The following SERINC5 variants were observed in gnomAD, a reference collection of about 807,000 sequenced individuals.
SERINC5 encodes the protein chromosome 5 open reading frame 12.
A neutral mutation model predicts 63.1 loss-of-function variants in SERINC5; 41 were observed. That is an observed-to-expected ratio of 0.65 (90% CI 0.51 to 0.84). SERINC5 has a LOEUF of 0.84. Ranked by LOEUF, SERINC5 falls within the 40% of genes least tolerant of loss-of-function variation. SERINC5 has a pLI of 0.00. For synonymous variants in SERINC5, 222 were observed against 215.2 expected, an observed-to-expected ratio of 1.03 and a Z score of -0.28; for missense variants, 523 against 573.0, an observed-to-expected ratio of 0.91 and a Z score of 0.89.
chr5:80,122,228 A>C (rs1744577295), intron 11 of SERINC5, among the ~76,000 whole-genome samples: 2 of 114,006 alleles, frequency 1.8e-5, no homozygotes, highest in African/African-American at 3.7e-5. Context: ...GAGTTTATTA[A>C]ATATTAGCTC....
chr5:80,194,491 T>C (rs553017958), intron 2 of SERINC5, among the ~76,000 whole-genome samples: 114 of 152,348 alleles, frequency 7.5e-4, no homozygotes, highest in African/African-American at 2.6e-3. Flanking sequence ...AAAAGATGGT[T>C]ATACCAAACA....
In SERINC5 at chr5:80,147,246, C is replaced by G; in HGVS notation, c.1092G>C (p.Glu364Asp). ...AAAGAATAAAAGCGCTCTGCTTACC[C>G]TCTCCACCAGGACTGAAGCAAAAAC... is the stretch of plus-strand genomic sequence containing the variant. The part of the protein sequence containing the change: ...RCCFCFSPGG[E>D]DTEEQQPGKE... Residue 364 changes from glutamate (E) to aspartate (D), a missense_variant and splice_region_variant, in exon 10 of 12, where the codon GAG (glutamate) becomes GAC (aspartate). By Grantham distance (45) the Glu-to-Asp change is conservative. Transcript: ENST00000507668. 6.2e-7 allele frequency: 1 copy of G among 1,601,916 alleles called. No homozygotes were observed. The highest frequency in any genetic ancestry group is 8.5e-7 in the Non-Finnish European group (1 of 1,174,736).
At chr5:80,192,428 A>G (rs1389083957) in intron 2 of SERINC5, among the ~76,000 whole-genome samples, 3 of 139,852 alleles carry the variant, frequency 2.1e-5, no homozygotes, top group African/African-American at 7.7e-5. Flanking sequence ...TGTATCTCCC[A>G]TATGTCATTT....
At chr5:80,127,967 T>C (rs1240373259) in intron 11 of SERINC5, among the ~76,000 whole-genome samples, 2 of 126,786 alleles carry the variant, frequency 1.6e-5, no homozygotes. Flanking sequence ...AAATTATAAA[T>C]TTAAAGATTT....
At position 80,175,135 on chromosome 5, in the gene SERINC5, G is replaced by C; in HGVS notation, c.458-88C>G. The stretch of plus-strand genomic sequence containing the variant: ...TAACCACAGCTAATTTTTACTAGAT[G>C]ATCAGTGTACCTAACATATTTGTCA... On this transcript the variant is annotated intron_variant, in intron 4 of 11. Coordinates refer to ENST00000507668, the MANE Select transcript of SERINC5 (RefSeq NM_001174072.3). 3.9e-6 allele frequency: 3 copies of C among 776,180 alleles called. No homozygotes were observed. The South Asian group carries it at 5.3e-5, about 14-fold the overall frequency. 48.1% of individuals were successfully genotyped at this position (776,180 alleles called of 1,614,324 possible). A position where few individuals can be genotyped will look rare whatever the true frequency, so the allele number is the denominator to read the frequency against.
At chr5:80,229,912 A>G (rs988500141) in intron 1 of SERINC5, among the ~76,000 whole-genome samples, 2 of 152,200 alleles carry the variant, frequency 1.3e-5, no homozygotes, top group African/African-American at 2.4e-5. Flanking sequence ...TAGAACGTTA[A>G]TTGTCAATAT....
In SERINC5 at chr5:80,203,206, T is replaced by C. The variant is rs186527816; in HGVS notation, c.28-153A>G. 1.6e-4 allele frequency: 112 copies of C among 683,558 alleles called. No individual in the cohort carries two copies. In the East Asian group the frequency reaches 3.2e-3, roughly 19 times the overall value. 42.3% of individuals were successfully genotyped at this position (683,558 alleles called of 1,614,324 possible). A position where few individuals can be genotyped will look rare whatever the true frequency, so the allele number is the denominator to read the frequency against. Reference sequence around the variant, plus strand: ...GGATCGCTTGAGACCAGAGTTCAAGTTTAGCCTGGTCAACACAGCAAGAAC... The same window carrying C: ...GGATCGCTTGAGACCAGAGTTCAAGCTTAGCCTGGTCAACACAGCAAGAAC... On this transcript the variant is annotated intron_variant, in intron 1 of 11. Coordinates refer to ENST00000507668, the MANE Select transcript of SERINC5 (RefSeq NM_001174072.3).
At chr5:80,128,592 G>A (rs1330935046) in intron 11 of SERINC5, among the ~76,000 whole-genome samples, 2 of 152,194 alleles carry the variant, frequency 1.3e-5, no homozygotes, top group African/African-American at 4.8e-5. Context: ...AGGGAACTGG[G>A]GAGAGAGGGG....
intron 8 of SERINC5, among the ~76,000 whole-genome samples, chr5:80,153,260 C>T (rs1387060667): frequency 1.3e-5 from 2 of 151,976 alleles, no homozygotes; most frequent in Non-Finnish European, 2.9e-5. Flanking sequence ...GAATTCGAGA[C>T]CAGCCTAGCC....
Position 80,122,212 on chromosome 5 carries a change from T to TATATATATATATAAAA in SERINC5, c.1239-8588_1239-8587insTTTTATATATATATAT, listed in dbSNP as rs777568982. ...AGAACTAATAGTATATATATATATA[T>TATATATATATATAAAA]AATATGAGTTTATTAAATATTAGCT... On this transcript the variant is annotated intron_variant, in intron 11 of 12. Transcript: ENST00000509193. Among the ~76,000 whole-genome samples the TATATATATATATAAAA allele has an allele frequency of 2.5e-4, 36 of 142,560 alleles. 1 individual carries two copies. The highest frequency in any genetic ancestry group is 1.0e-3 in the African/African-American group (36 of 35,172). The allele number at this position is 142,560 out of a possible 152,430, so 93.5% of individuals were successfully genotyped here.
chr5:80,230,445 CAAAAA>C (rs72476401), intron 1 of SERINC5, among the ~76,000 whole-genome samples: 2 of 93,192 alleles, frequency 2.1e-5, no homozygotes, highest in Admixed American at 1.1e-4. Context: ...AAGACTGTCA[CAAAAA>C]AAAAAAAAAA....
chr5:80,137,148 A>AC (rs1422598507), downstream of SERINC5, among the ~76,000 whole-genome samples: 9 of 122,004 alleles, frequency 7.4e-5, no homozygotes, highest in African/African-American at 2.5e-4. Flanking sequence ...TCAAAAAAAA[A>AC]AAAAAAAAAA....
At chr5:80,166,608 A>T in intron 6 of SERINC5, 130 bp from the exon 7 acceptor site, 1 of 595,504 alleles carries the variant, frequency 1.7e-6, no homozygotes, top group Non-Finnish European at 3.0e-6. Flanking sequence ...AGAAAAGAGA[A>T]AAAAATGTAG....
chr5:80,131,698 G>A (rs1320121635), intron 11 of SERINC5, among the ~76,000 whole-genome samples: 1 of 152,184 alleles, frequency 6.6e-6, no homozygotes, highest in Non-Finnish European at 1.5e-5. Context: ...GAAACGGGAA[G>A]CCATTTTGAG....
chr5:80,201,909 T>C (rs1239939177), intron 2 of SERINC5, among the ~76,000 whole-genome samples: 1 of 152,222 alleles, frequency 6.6e-6, no homozygotes, highest in African/African-American at 2.4e-5. Context: ...ACTTCCTATG[T>C]AGGCCAAATT....
chr5:80,150,261 C>T (rs1369893183), intron 9 of SERINC5, among the ~76,000 whole-genome samples: 1 of 152,144 alleles, frequency 6.6e-6, no homozygotes, highest in African/African-American at 2.4e-5. Context: ...CAAGACTCCA[C>T]TACGGCAAGG....
intron 12 of SERINC5, among the ~76,000 whole-genome samples, chr5:80,112,252 T>G (rs1384457263): frequency 1.3e-5 from 2 of 152,242 alleles, no homozygotes; most frequent in African/African-American, 4.8e-5. Flanking sequence ...CGAGATATGC[T>G]GGCGGCAATT....
At chr5:80,183,371 C>T (rs1185742138) in intron 2 of SERINC5, among the ~76,000 whole-genome samples, 1 of 152,134 alleles carries the variant, frequency 6.6e-6, no homozygotes, top group Non-Finnish European at 1.5e-5. Flanking sequence ...CTTAGGGCAT[C>T]ACCAAGGGGT....
chr5:80,146,134 G>A lies in SERINC5; in HGVS notation c.1194C>T (p.Phe398=). The change falls in exon 11 of 12, where the codon TTC becomes TTT. Residue 398 remains phenylalanine, a synonymous_variant. Transcript: ENST00000507668. ...TCATCATCACATACAGGGAAGCTAG[G>A]AAGAACACGAAGTGGAAGTAGGAGT... is the stretch of plus-strand genomic sequence containing the variant. ...YIYSYFHFVF[F]LASLYVMMTV... is the part of the protein sequence containing the mutation. 1 of 1,614,052 alleles carries A rather than the reference G, an allele frequency of 6.2e-7. No homozygotes were observed. Among genetic ancestry groups the A allele is most frequent in the Non-Finnish European group, 8.5e-7 (1 of 1,179,882 alleles).
Sources: gnomAD v4.1 joint callset for allele counts (sites outside exome capture counted in the v4.1 genomes callset) on GRCh38, gnomAD v4.1.1 for gene constraint, MANE v1.5 for transcripts, NCBI Gene and HGNC (gene_info 2026-07-23, HGNC 2026-07-21) for gene names.